The following ANGPTL2 variants were observed in gnomAD, a reference collection of about 807,000 sequenced individuals.
ANGPTL2 encodes the protein angiopoietin-related protein 2.
Under a neutral mutation model 52.8 loss-of-function variants are expected in ANGPTL2, and 25 were observed. That is an observed-to-expected ratio of 0.47 (90% CI 0.35 to 0.66). The LOEUF (loss-of-function observed/expected upper bound fraction) is 0.66. Among genes scored for constraint, ANGPTL2 ranks in the 30% least tolerant of loss-of-function variants. ANGPTL2 has a pLI of 0.01. For missense variants in ANGPTL2, 546 were observed against 656.9 expected (o/e 0.83, Z 1.84); for synonymous variants, 276 against 277.4 (o/e 1.00, Z 0.05).
chr9:127,100,226 A>G (rs533703409), intron 2 of ANGPTL2, among the ~76,000 whole-genome samples: 7 of 152,252 alleles, frequency 4.6e-5, no homozygotes, highest in Non-Finnish European at 1.0e-4. Context: ...AAGCAAAAGT[A>G]TTAAATCCTT....
intron 3 of ANGPTL2, among the ~76,000 whole-genome samples, chr9:127,093,340 G>A (rs1271265910): frequency 6.6e-6 from 1 of 152,140 alleles, no homozygotes; most frequent in African/African-American, 2.4e-5. Context: ...GAGCCTCTTG[G>A]GACTTGCGCC....
At chr9:127,107,793 T>G in intron 2 of ANGPTL2, 122 bp downstream of exon 2, 9 of 971,230 alleles carry the variant, frequency 9.3e-6, no homozygotes, top group Non-Finnish European at 1.3e-5. Flanking sequence ...TGCTGGGGGA[T>G]TGTGCATGTC....
chr9:127,093,958 ACCTG>A, intron 2 of ANGPTL2, 32 bp from the exon 3 acceptor site: 1 of 1,600,246 alleles, frequency 6.2e-7, no homozygotes, highest in Non-Finnish European at 8.5e-7. Context: ...TACATCACAG[ACCTG>A]CCTGTCACCA....
At chr9:127,104,539 A>G (rs2054036678) in intron 2 of ANGPTL2, among the ~76,000 whole-genome samples, 1 of 152,252 alleles carries the variant, frequency 6.6e-6, no homozygotes, top group Non-Finnish European at 1.5e-5. Flanking sequence ...GGGTCTGGCC[A>G]GACCTGAGAG....
chr9:127,091,329 CCA>C lies in ANGPTL2; in HGVS notation c.1282+339_1282+340del, dbSNP rs1228726947. Among the ~76,000 whole-genome samples, 1 of 152,248 alleles carries C rather than the reference CCA, an allele frequency of 6.6e-6. No individual in the cohort carries two copies. Among genetic ancestry groups the C allele is most frequent in the Non-Finnish European group, 1.5e-5 (1 of 68,040 alleles). ...GCCTACGCAGTTGGTTAGCTCTATA[CCA>C]GGTGCCTGGGACAGAAGTGGTGAGG... On this transcript the variant is annotated intron_variant, in intron 4 of 4. Transcript: ENST00000373425. The surrounding 1 kb of genome is among the most constrained non-coding windows in gnomAD (Gnocchi z 4.3).
chr9:127,096,391 G>A (rs544536628), intron 2 of ANGPTL2, among the ~76,000 whole-genome samples: 8 of 152,202 alleles, frequency 5.3e-5, no homozygotes, highest in African/African-American at 1.9e-4. Context: ...CGGAAGATCC[G>A]GCAGAAGCCT....
In ANGPTL2 at chr9:127,088,799, G is replaced by A. The variant is rs2136316529; in HGVS notation, c.*140C>T. The A allele has an allele frequency of 1.0e-6, 1 of 972,698 alleles. No individual in the cohort carries two copies. The highest frequency in any genetic ancestry group is 2.3e-5 in the Admixed American group (1 of 44,192). The allele number at this position is 972,698 out of a possible 1,614,324, so 60.3% of individuals were successfully genotyped here. A position where few individuals can be genotyped will look rare whatever the true frequency, so the allele number is the denominator to read the frequency against. Reference sequence around the variant, plus strand: ...ATTCAGTTCCATCATCCGCTGCAGTGACTTCGGAAAACAGAATCCAGCATC... The same window carrying A: ...ATTCAGTTCCATCATCCGCTGCAGTAACTTCGGAAAACAGAATCCAGCATC... On this transcript the variant is annotated 3_prime_UTR_variant, in exon 5 of 5. Transcript: ENST00000373425.
intron 2 of ANGPTL2, among the ~76,000 whole-genome samples, chr9:127,100,438 G>A (rs1014955122): frequency 4.6e-5 from 7 of 152,122 alleles, no homozygotes; most frequent in East Asian, 1.9e-4. Context: ...GCATTGCGTC[G>A]CTCTTAGGTT....
At chr9:127,101,393 A>G (rs60352438) in intron 2 of ANGPTL2, among the ~76,000 whole-genome samples, 2,544 of 152,222 alleles carry the variant, frequency 0.017, 78 homozygotes, top group African/African-American at 0.058. Flanking sequence ...GTGTCCCCAT[A>G]AGACTGTGGG....
chr9:127,107,856 A>G, intron 2 of ANGPTL2, 59 bp downstream of exon 2: 1 of 1,484,898 alleles, frequency 6.7e-7, no homozygotes, highest in Non-Finnish European at 9.0e-7. Flanking sequence ...GACACAGCCA[A>G]GGGAAGCCTG....
chr9:127,089,537 C>T (rs535693212), intron 4 of ANGPTL2, among the ~76,000 whole-genome samples: 1 of 152,222 alleles, frequency 6.6e-6, no homozygotes, highest in East Asian at 1.9e-4. Flanking sequence ...ATGGAGATGG[C>T]CTGAGGTGGG....
At chr9:127,111,188 G>C (rs2054775008) in intron 1 of ANGPTL2, among the ~76,000 whole-genome samples, 2 of 151,964 alleles carry the variant, frequency 1.3e-5, no homozygotes, top group African/African-American at 4.8e-5. Flanking sequence ...CTTTATACTT[G>C]CTGGTCCCTG....
Position 127,109,563 on chromosome 9 carries a change from C to G in ANGPTL2, c.-49-783G>C, listed in dbSNP as rs1393916957. 3.3e-5 allele frequency among the ~76,000 whole-genome samples: 5 copies of G among 152,296 alleles called. No individual in the cohort carries two copies. In the East Asian group the frequency reaches 9.7e-4, roughly 29 times the overall value. ...TAGCCAGTGACAGCACAGTCCTGAC[C>G]ACTGCAACGTGATTAAGTTAGAAGG... On this transcript the variant is annotated intron_variant, in intron 1 of 4. Transcript: ENST00000373425.
intron 2 of ANGPTL2, among the ~76,000 whole-genome samples, chr9:127,107,317 A>G (rs1017150487): frequency 1.3e-5 from 2 of 152,306 alleles, no homozygotes; most frequent in South Asian, 2.1e-4. Flanking sequence ...CCATAACGGT[A>G]TTCGGAGAAT....
intron 1 of ANGPTL2, among the ~76,000 whole-genome samples, chr9:127,119,074 CAG>C (rs1432519951): frequency 6.7e-6 from 1 of 149,694 alleles, no homozygotes; most frequent in East Asian, 1.9e-4. Context: ...GAGCTGGGGA[CAG>C]AGTTTCCTGG....
At chr9:127,097,140 A>G (rs2053220020) in intron 2 of ANGPTL2, among the ~76,000 whole-genome samples, 1 of 152,206 alleles carries the variant, frequency 6.6e-6, no homozygotes, top group Non-Finnish European at 1.5e-5. Flanking sequence ...AAAAATTTAC[A>G]GTTCTTTGTC....
At chr9:127,095,389 C>G (rs2056334070) in intron 2 of ANGPTL2, among the ~76,000 whole-genome samples, 2 of 152,160 alleles carry the variant, frequency 1.3e-5, no homozygotes, top group Admixed American at 1.3e-4. Flanking sequence ...CAGAGCAAGA[C>G]AAGACTCCGT....
chr9:127,093,544 C>T (rs1160057044), intron 3 of ANGPTL2, among the ~76,000 whole-genome samples, 189 bp downstream of exon 3: 1 of 152,150 alleles, frequency 6.6e-6, no homozygotes, highest in African/African-American at 2.4e-5. Context: ...CCTCACTACC[C>T]CTGGTGGGTT....
At chr9:127,114,644 T>G (rs1229804014) in intron 1 of ANGPTL2, among the ~76,000 whole-genome samples, 1 of 152,236 alleles carries the variant, frequency 6.6e-6, no homozygotes, top group Non-Finnish European at 1.5e-5. Flanking sequence ...ACCCGTCCTC[T>G]GGTCAGCACT....
Sources: gnomAD v4.1 joint callset for allele counts (sites outside exome capture counted in the v4.1 genomes callset) on GRCh38, gnomAD v4.1.1 for gene constraint, Gnocchi (gnomAD v3.1) non-coding constraint, MANE v1.5 for transcripts, NCBI Gene and HGNC (gene_info 2026-07-23, HGNC 2026-07-21) for gene names.